Variants in FBXO31 observed in about 807,000 individuals in gnomAD.
The protein encoded by FBXO31 is F-box protein 31.
In FBXO31, 24 loss-of-function variants were observed where a neutral mutation model predicts 54.4. That is an observed-to-expected ratio of 0.44 (90% confidence interval 0.32 to 0.62). FBXO31 has a LOEUF of 0.62. Among genes scored for constraint, FBXO31 ranks in the 20% least tolerant of loss-of-function variants. The probability of loss-of-function intolerance (pLI) is 0.05; values close to 1 mark genes in which losing one functional copy is unlikely to be tolerated. For synonymous variants in FBXO31, 388 were observed against 335.6 expected, an observed-to-expected ratio of 1.16 and a Z score of -1.71; for missense variants, 665 against 787.1, an observed-to-expected ratio of 0.84 and a Z score of 1.86.
Position 87,383,381 on chromosome 16 carries a change from G to GCCC in FBXO31, c.340+21_340+23dup. The GCCC allele has an allele frequency of 1.4e-6, 2 of 1,417,856 alleles. No individual in the cohort carries two copies. The highest frequency in any genetic ancestry group is 1.9e-6 in the Non-Finnish European group (2 of 1,041,906). 87.8% of individuals were successfully genotyped at this position (1,417,856 alleles called of 1,614,324 possible). ...TGGCAGGGACCCCCCGCCCCTCCCGGCCCCGCCACCCCCGCGCGCTCACCC... is the reference window on the plus strand; with the variant it reads ...TGGCAGGGACCCCCCGCCCCTCCCGGCCCCCCCGCCACCCCCGCGCGCTCACCC... On this transcript the variant is annotated intron_variant, in intron 1 of 8. Transcript: ENST00000311635. This position sits in a 1 kb window ranked among gnomAD's most constrained non-coding sequence, Gnocchi z 4.9.
intron 2 of FBXO31, among the ~76,000 whole-genome samples, chr16:87,349,845 G>C (rs1039663839): frequency 6.6e-6 from 1 of 151,792 alleles, no homozygotes; most frequent in African/African-American, 2.4e-5. Context: ...GGAGGCGGAG[G>C]CTGTAGTGAG....
At chr16:87,353,050 A>T (rs1905734088) in intron 2 of FBXO31, among the ~76,000 whole-genome samples, 1 of 152,092 alleles carries the variant, frequency 6.6e-6, no homozygotes, top group African/African-American at 2.4e-5. Context: ...GACTCTACGG[A>T]AGAAATTGGA....
intron 5 of FBXO31, among the ~76,000 whole-genome samples, chr16:87,340,737 C>G (rs372459518): frequency 2.6e-5 from 4 of 152,150 alleles, no homozygotes; most frequent in African/African-American, 9.7e-5. Flanking sequence ...GCGGTAAGAT[C>G]ACTCGAGCCA....
At position 87,336,958 on chromosome 16, in the gene FBXO31, C is replaced by A. The variant is rs1327430585; in HGVS notation, c.733-694G>T. On this transcript the variant is annotated intron_variant, in intron 5 of 8. Coordinates refer to ENST00000311635, the MANE Select transcript of FBXO31 (RefSeq NM_024735.5). The surrounding 1 kb of genome is among the most constrained non-coding windows in gnomAD (Gnocchi z 6.5). ...CCCAGCTCAATACAGTGTTTCCAGT[C>A]ATTATCTAGACCTAACTCTGAAAGG... Among the ~76,000 whole-genome samples, 1 of 152,156 alleles carries A rather than the reference C, an allele frequency of 6.6e-6. No individual in the cohort carries two copies. The highest frequency in any genetic ancestry group is 2.4e-5 in the African/African-American group (1 of 41,434).
intron 1 of FBXO31, among the ~76,000 whole-genome samples, chr16:87,360,780 A>G (rs1834022): frequency 0.79 from 120,085 of 152,174 alleles, 54,128 homozygotes; most frequent in East Asian, 1. Context: ...AGTCCACCCC[A>G]TGTACTTCCC....
chr16:87,374,197 G>A (rs980217011), intron 1 of FBXO31, among the ~76,000 whole-genome samples: 5 of 151,260 alleles, frequency 3.3e-5, no homozygotes, highest in African/African-American at 7.3e-5. Context: ...AGCCATGATC[G>A]CGCCACTACA....
Position 87,344,823 on chromosome 16 carries a change from C to T in FBXO31, c.490-1058G>A, listed in dbSNP as rs142691992. ...ACAACAAACGCAGAGCGGGTTTCTC[C>T]ACAGCGGCTCCCAGCAGATGAAAAC... On this transcript the variant is annotated intron_variant, in intron 3 of 8. Coordinates refer to ENST00000311635, the MANE Select transcript of FBXO31 (RefSeq NM_024735.5). 7.6e-4 allele frequency among the ~76,000 whole-genome samples: 116 copies of T among 152,276 alleles called. 2 individuals carry two copies. In the East Asian group the frequency reaches 0.021, roughly 28 times the overall value.
intron 1 of FBXO31, among the ~76,000 whole-genome samples, chr16:87,369,768 T>C (rs189990819): frequency 3.5e-4 from 54 of 152,356 alleles, no homozygotes; most frequent in Non-Finnish European, 4.1e-4. Flanking sequence ...ACAGCGTGAC[T>C]ATTTTTCATA....
In FBXO31 at chr16:87,383,681, G is replaced by A; in HGVS notation, c.64C>T (p.Arg22Cys). 1.6e-6 allele frequency: 2 copies of A among 1,280,890 alleles called. No homozygotes were observed. Among genetic ancestry groups the A allele is most frequent in the Non-Finnish European group, 2.0e-6 (2 of 1,020,710 alleles). 79.3% of individuals were successfully genotyped at this position (1,280,890 alleles called of 1,614,324 possible). The change falls in exon 1 of 9, where the codon CGC (arginine) becomes TGC (cysteine). Residue 22 changes from arginine to cysteine, a missense_variant. This residue lies in a region of FBXO31 where 195 missense variants were observed against 174.8 expected (regional missense o/e 1.12). Transcript: ENST00000311635. The surrounding 1 kb of genome is among the most constrained non-coding windows in gnomAD (Gnocchi z 4.9). ...PSRGCRRRQQ[R>C]RGPAETAAAD... ...GCCGCCGTCTCGGCCGGGCCCCGGC[G>A]CTGCTGGCGGCGCCGACATCCGCGC...
chr16:87,343,174 G>A (rs937114743), intron 4 of FBXO31, among the ~76,000 whole-genome samples: 2 of 152,226 alleles, frequency 1.3e-5, no homozygotes. Flanking sequence ...AGAGAGTGGC[G>A]TTTGCATTTC....
chr16:87,371,275 G>C (rs12325185), intron 1 of FBXO31, among the ~76,000 whole-genome samples: 78,794 of 152,182 alleles, frequency 0.52, 22,287 homozygotes, highest in African/African-American at 0.66. Flanking sequence ...CAGGAGACTT[G>C]AGAAGACTGC....
chr16:87,367,717 T>C (rs574904643), intron 1 of FBXO31: 1 of 152,330 alleles, frequency 6.6e-6, no homozygotes, highest in Admixed American at 6.5e-5. Context: ...ATTTTCGTAG[T>C]TGCCTTAATG....
In FBXO31 at chr16:87,329,775, A is replaced by G. The variant is rs936295322; in HGVS notation, c.*1513T>C. ...CGTGAGTCTTTCTCCCAGGCCGGCC[A>G]GATTACCATTTAGGAACCTTTGCCA... On this transcript the variant is annotated 3_prime_UTR_variant, in exon 9 of 9. Transcript: ENST00000311635. The G allele has an allele frequency of 1.7e-4, 26 of 152,378 alleles. No individual in the cohort carries two copies. Among genetic ancestry groups the G allele is most frequent in the African/African-American group, 6.3e-4 (26 of 41,592 alleles). 9.4% of individuals were successfully genotyped at this position (152,378 alleles called of 1,614,324 possible). A position where few individuals can be genotyped will look rare whatever the true frequency, so the allele number is the denominator to read the frequency against.
At chr16:87,381,146 T>A (rs907169720) in intron 1 of FBXO31, among the ~76,000 whole-genome samples, 1 of 152,202 alleles carries the variant, frequency 6.6e-6, no homozygotes, top group African/African-American at 2.4e-5. Flanking sequence ...GAACTGCCTT[T>A]GTCTCAATCT....
At chr16:87,369,088 C>T (rs935148113) in intron 1 of FBXO31, among the ~76,000 whole-genome samples, 1 of 152,120 alleles carries the variant, frequency 6.6e-6, no homozygotes. Flanking sequence ...TGCACCCGGC[C>T]TTTATTTTTT....
At position 87,383,771 on chromosome 16, in the gene FBXO31, G is replaced by T; in HGVS notation, c.-27C>A. ...CCGCCCAGTGACGGCCACTGCTGCC[G>T]CCTGTGCGCACGCTCCAGCGCGGCC... is the stretch of plus-strand genomic sequence containing the variant. On this transcript the variant is annotated 5_prime_UTR_variant, in exon 1 of 9. Transcript: ENST00000311635. The surrounding 1 kb of genome is among the most constrained non-coding windows in gnomAD (Gnocchi z 4.9). 8.4e-7 allele frequency: 1 copy of T among 1,184,704 alleles called. No homozygotes were observed. The highest frequency in any genetic ancestry group is 1.0e-6 in the Non-Finnish European group (1 of 958,928). 73.4% of individuals were successfully genotyped at this position (1,184,704 alleles called of 1,614,324 possible). A position where few individuals can be genotyped will look rare whatever the true frequency, so the allele number is the denominator to read the frequency against.
Position 87,345,153 on chromosome 16 carries a change from T to C in FBXO31, c.490-1388A>G, listed in dbSNP as rs1158360476. On this transcript the variant is annotated intron_variant, in intron 3 of 8. Transcript: ENST00000311635. The surrounding 1 kb of genome is among the most constrained non-coding windows in gnomAD (Gnocchi z 4.9). ...ACCCGCCCTCGCTGGGCTCAGCCCC[T>C]GGTCCCACAAAAGGGAGCGGAGCAC... Among the ~76,000 whole-genome samples, 1 of 152,170 alleles carries C rather than the reference T, an allele frequency of 6.6e-6. No homozygotes were observed. The highest frequency in any genetic ancestry group is 1.5e-5 in the Non-Finnish European group (1 of 68,036).
chr16:87,383,394 CGCG>C lies in FBXO31; in HGVS notation c.340+8_340+10del. On this transcript the variant is annotated splice_region_variant and intron_variant, in intron 1 of 8. Transcript: ENST00000311635. The surrounding 1 kb of genome is among the most constrained non-coding windows in gnomAD (Gnocchi z 4.9). The stretch of plus-strand genomic sequence containing the variant: ...CCGCCCCTCCCGGCCCCGCCACCCC[CGCG>C]CGCTCACCCTCACGGCAACGCCTCC... The C allele has an allele frequency of 6.5e-7, 1 of 1,531,202 alleles. No individual in the cohort carries two copies. Among genetic ancestry groups the C allele is most frequent in the Non-Finnish European group, 8.8e-7 (1 of 1,139,458 alleles). The allele number at this position is 1,531,202 out of a possible 1,614,324, so 94.9% of individuals were successfully genotyped here.
chr16:87,363,684 G>C (rs1906235237), intron 1 of FBXO31, among the ~76,000 whole-genome samples: 1 of 152,186 alleles, frequency 6.6e-6, no homozygotes. Context: ...AGTGCTACGG[G>C]GAAATCAAAG....
Sources: allele counts gnomAD v4.1 joint callset (sites outside exome capture counted in the v4.1 genomes callset), GRCh38; gene constraint gnomAD v4.1.1; regional missense constraint gnomAD v4.1.1; non-coding constraint Gnocchi (gnomAD v3.1); transcripts MANE v1.5; gene names NCBI Gene and HGNC (gene_info 2026-07-23, HGNC 2026-07-21).